Variants in ITGA11 observed in about 807,000 individuals in gnomAD.
The protein encoded by ITGA11 is integrin alpha-11.
ITGA11 carries 97 observed loss-of-function variants against 141.9 expected under a neutral mutation model. The observed-to-expected ratio is 0.68, with a 90% CI of 0.58 to 0.81. ITGA11 has a LOEUF of 0.81. Ranked by LOEUF, ITGA11 falls within the 30% of genes least tolerant of loss-of-function variation. The pLI is 0.00. For missense variants in ITGA11, 1,387 were observed against 1,559.2 expected (o/e 0.89, Z 1.86); for synonymous variants, 658 against 624.6 (o/e 1.05, Z -0.80).
rs1268871834 is a variant in ITGA11, at chr15:68,335,054, G to T, written c.1425+643C>A. Among the ~76,000 whole-genome samples the T allele has an allele frequency of 2.0e-5, 3 of 152,166 alleles. No individual in the cohort carries two copies. The highest frequency in any genetic ancestry group is 4.8e-5 in the African/African-American group (2 of 41,436). ...ACTCAGGAGACAGGACTGTTCCCAG[G>T]CTCAGGAGAGCCGGCAGGGAGCTGG... On this transcript the variant is annotated intron_variant, in intron 12 of 29. Coordinates refer to ENST00000315757, the MANE Select transcript of ITGA11 (RefSeq NM_001004439.2). This position sits in a 1 kb window ranked among gnomAD's most constrained non-coding sequence, Gnocchi z 4.9.
In ITGA11 at chr15:68,333,337, G is replaced by C. The variant is rs1894239421; in HGVS notation, c.1426-859C>G. The stretch of plus-strand genomic sequence containing the variant: ...GCTGGTCTGGAACTCCTACGCTTCA[G>C]TGATCCTCCCACCTCAGCCTCTCAA... On this transcript the variant is annotated intron_variant, in intron 12 of 29. Coordinates refer to ENST00000315757, the MANE Select transcript of ITGA11 (RefSeq NM_001004439.2). This position sits in a 1 kb window ranked among gnomAD's most constrained non-coding sequence, Gnocchi z 4.2. 6.6e-6 allele frequency among the ~76,000 whole-genome samples: 1 copy of C among 152,218 alleles called. No homozygotes were observed. Among genetic ancestry groups the C allele is most frequent in the Non-Finnish European group, 1.5e-5 (1 of 68,034 alleles).
chr15:68,364,647 A>ACCCCACCCCCCCCCCC, intron 4 of ITGA11, 60 bp downstream of exon 4: 3 of 904,812 alleles, frequency 3.3e-6, no homozygotes, highest in Admixed American at 1.9e-5. Context: ...GAGACGCTCC[A>ACCCCACCCCCCCCCCC]CCCCTCCCCA....
rs1262400297 is a variant in ITGA11, at chr15:68,325,899, G to A, written c.2212-658C>T. Among the ~76,000 whole-genome samples the A allele has an allele frequency of 6.6e-6, 1 of 152,224 alleles. No homozygotes were observed. Among genetic ancestry groups the A allele is most frequent in the African/African-American group, 2.4e-5 (1 of 41,454 alleles). On this transcript the variant is annotated intron_variant, in intron 17 of 29. Transcript: ENST00000315757. This position sits in a 1 kb window ranked among gnomAD's most constrained non-coding sequence, Gnocchi z 5.5. ...CCTGAGCTGGCACCAGAGTCCCCTG[G>A]GAGCTTGTTAAAACACAGGGTGCTG...
chr15:68,403,616 CTTTCT>C (rs1191205740), intron 1 of ITGA11, among the ~76,000 whole-genome samples: 2 of 5,922 alleles, frequency 3.4e-4, no homozygotes, highest in Non-Finnish European at 4.5e-4. Context: ...AACCTCTTTT[CTTTCT>C]TTCTTTCTTT....
intron 1 of ITGA11, among the ~76,000 whole-genome samples, chr15:68,424,659 C>A (rs1301506371): frequency 6.6e-6 from 1 of 152,094 alleles, no homozygotes; most frequent in Non-Finnish European, 1.5e-5. Context: ...AGATGCGAAG[C>A]CCATGTGGGC....
At chr15:68,399,007 G>T (rs537527773) in intron 2 of ITGA11, among the ~76,000 whole-genome samples, 4 of 151,734 alleles carry the variant, frequency 2.6e-5, no homozygotes, top group African/African-American at 4.8e-5. Context: ...AAAATTGAAC[G>T]TATAAATTCA....
At position 68,357,210 on chromosome 15, in the gene ITGA11, G is replaced by A. The variant is rs1313250891; in HGVS notation, c.690C>T (p.Ser230=). The A allele has an allele frequency of 6.2e-7, 1 of 1,613,834 alleles. No individual in the cohort carries two copies. The highest frequency in any genetic ancestry group is 8.5e-7 in the Non-Finnish European group (1 of 1,179,866). ...RSVKDVVEAA[S]HIEQRGGTET... Reference sequence around the variant, plus strand: ...CTGTTCCTCCTCTCTGCTCAATGTGGCTGGCAGCTTCCACCACATCTTTTA... The same window carrying A: ...CTGTTCCTCCTCTCTGCTCAATGTGACTGGCAGCTTCCACCACATCTTTTA... Residue 230 remains serine, a synonymous_variant, in exon 7 of 30, where the codon AGC becomes AGT. Transcript: ENST00000315757.
chr15:68,321,388 C>T lies in ITGA11; in HGVS notation c.2408+30G>A, dbSNP rs553244835. ...GCCTCTGGCAGTGAAGGGGAAGGGG[C>T]GAGGGTGGGGGTGGAAGGAGCCAAC... On this transcript the variant is annotated intron_variant, in intron 19 of 29. Transcript: ENST00000315757. The surrounding 1 kb of genome is among the most constrained non-coding windows in gnomAD (Gnocchi z 4.9). 9 of 1,450,232 alleles carry T rather than the reference C, an allele frequency of 6.2e-6. No individual in the cohort carries two copies. The highest frequency in any genetic ancestry group is 5.1e-5 in the East Asian group (2 of 39,276). 89.8% of individuals were successfully genotyped at this position (1,450,232 alleles called of 1,614,324 possible).
chr15:68,411,991 G>C (rs1896780842), intron 1 of ITGA11, among the ~76,000 whole-genome samples: 1 of 152,066 alleles, frequency 6.6e-6, no homozygotes, highest in African/African-American at 2.4e-5. Flanking sequence ...AGCAAGCCCA[G>C]TGAGCCCAGC....
Position 68,324,409 on chromosome 15 carries a change from T to C in ITGA11, c.2322+722A>G, listed in dbSNP as rs563928494. On this transcript the variant is annotated intron_variant, in intron 18 of 29. Transcript: ENST00000315757. The surrounding 1 kb of genome is among the most constrained non-coding windows in gnomAD (Gnocchi z 6.3). ...AGAATGGCTTAAGAGCACCGTGGTGTGCTTAAAAGTTGTTTCCCAAATCCT... is the reference window on the plus strand; with the variant it reads ...AGAATGGCTTAAGAGCACCGTGGTGCGCTTAAAAGTTGTTTCCCAAATCCT... Among the ~76,000 whole-genome samples, 1 of 152,244 alleles carries C rather than the reference T, an allele frequency of 6.6e-6. No individual in the cohort carries two copies. The highest frequency in any genetic ancestry group is 1.9e-4 in the East Asian group (1 of 5,180).
At position 68,378,427 on chromosome 15, in the gene ITGA11, T is replaced by C. The variant is rs143804012; in HGVS notation, c.165-9143A>G. On this transcript the variant is annotated intron_variant, in intron 2 of 29. Coordinates refer to ENST00000315757, the MANE Select transcript of ITGA11 (RefSeq NM_001004439.2). Reference sequence around the variant, plus strand: ...AGGGAAGGTGAGGCAGGAGCATCAATTGAGACCAGGAGTTCAAGAGCAGCC... The same window carrying C: ...AGGGAAGGTGAGGCAGGAGCATCAACTGAGACCAGGAGTTCAAGAGCAGCC... 8.1e-3 allele frequency among the ~76,000 whole-genome samples: 1,226 copies of C among 152,214 alleles called. 24 individuals are homozygous for C. Among genetic ancestry groups the C allele is most frequent in the African/African-American group, 0.028 (1,165 of 41,516 alleles).
At chr15:68,346,358 A>G (rs1894743221) in intron 10 of ITGA11, among the ~76,000 whole-genome samples, 1 of 152,128 alleles carries the variant, frequency 6.6e-6, no homozygotes, top group African/African-American at 2.4e-5. Flanking sequence ...GGCTCAGCTC[A>G]AGCTTCCCTG....
intron 2 of ITGA11, among the ~76,000 whole-genome samples, chr15:68,370,014 G>A (rs1344308502): frequency 6.6e-6 from 1 of 152,200 alleles, no homozygotes; most frequent in African/African-American, 2.4e-5. Context: ...AGAAGACAGA[G>A]GCAGAGTTAG....
At chr15:68,397,990 G>A (rs959666473) in intron 2 of ITGA11, among the ~76,000 whole-genome samples, 48 of 149,712 alleles carry the variant, frequency 3.2e-4, no homozygotes, top group Admixed American at 1.1e-3. Context: ...CCCTAAAAGA[G>A]CTCCTGAAGG....
At chr15:68,414,868 G>A (rs778577173) in intron 1 of ITGA11, among the ~76,000 whole-genome samples, 2 of 152,120 alleles carry the variant, frequency 1.3e-5, no homozygotes, top group African/African-American at 2.4e-5. Context: ...GCGCCCAGCC[G>A]GGCCTGCCCT....
rs563874355 is a variant in ITGA11 at position 68,422,589 on chromosome 15, C to T, written c.52+9426G>A. On this transcript the variant is annotated intron_variant, in intron 1 of 29. Coordinates refer to ENST00000315757, the MANE Select transcript of ITGA11 (RefSeq NM_001004439.2). Reference sequence around the variant, plus strand: ...CTCCAAGCACAGATAGAACATGTCACTGCTCTCCCTCAAAAACCTTCCATG... The same window carrying T: ...CTCCAAGCACAGATAGAACATGTCATTGCTCTCCCTCAAAAACCTTCCATG... 2.5e-3 allele frequency among the ~76,000 whole-genome samples: 376 copies of T among 152,214 alleles called. 4 individuals carry two copies. Among genetic ancestry groups the T allele is most frequent in the African/African-American group, 8.7e-3 (360 of 41,514 alleles).
chr15:68,306,521 A>G (rs1033058721), intron 28 of ITGA11, among the ~76,000 whole-genome samples: 5 of 152,026 alleles, frequency 3.3e-5, no homozygotes, highest in African/African-American at 7.2e-5. Context: ...TCACCCATTT[A>G]TTGTCACTGT....
intron 1 of ITGA11, among the ~76,000 whole-genome samples, chr15:68,410,416 C>A (rs989312144): frequency 6.6e-6 from 1 of 152,052 alleles, no homozygotes; most frequent in African/African-American, 2.4e-5. Context: ...TACTTGGGCC[C>A]CAAGAATCTT....
intron 11 of ITGA11, chr15:68,336,199 C>A: frequency 3.9e-6 from 1 of 258,072 alleles, no homozygotes; most frequent in Non-Finnish European, 7.4e-6. Context: ...GTAGGGCAGA[C>A]TCTAGCCTCA....
Sources: gnomAD v4.1 joint callset for allele counts (sites outside exome capture counted in the v4.1 genomes callset) on GRCh38, gnomAD v4.1.1 for gene constraint, Gnocchi (gnomAD v3.1) non-coding constraint, MANE v1.5 for transcripts, NCBI Gene and HGNC (gene_info 2026-07-23, HGNC 2026-07-21) for gene names.